SLC22A24: variants seen among roughly 807,000 people sequenced by gnomAD.
The protein encoded by SLC22A24 is solute carrier family 22 member 24.
SLC22A24 carries 53 observed loss-of-function variants against 49.8 expected under a neutral mutation model. That is an observed-to-expected ratio of 1.06 (90% CI 0.85 to 1.34). The LOEUF is 1.34. Among genes scored for constraint, SLC22A24 ranks in the 40% most tolerant of loss-of-function variants. The probability of loss-of-function intolerance (pLI) is 0.00; values close to 1 mark genes in which losing one functional copy is unlikely to be tolerated. For missense variants in SLC22A24, 786 were observed against 675.9 expected, an observed-to-expected ratio of 1.16 and a Z score of -1.81; for synonymous variants, 302 against 256.4, an observed-to-expected ratio of 1.18 and a Z score of -1.70.
At chr11:63,136,504 C>G (rs1031701301) in intron 1 of SLC22A24, among the ~76,000 whole-genome samples, 12 of 152,216 alleles carry the variant, frequency 7.9e-5, no homozygotes, top group African/African-American at 2.7e-4. Context: ...GCCTTATCCA[C>G]CATATTCACC....
intron 2 of SLC22A24, among the ~76,000 whole-genome samples, chr11:63,124,549 T>C (rs2087274846): frequency 6.6e-6 from 1 of 152,210 alleles, no homozygotes; most frequent in Admixed American, 6.5e-5. Context: ...CTTTACTATC[T>C]TCCAAAATAT....
intron 6 of SLC22A24, among the ~76,000 whole-genome samples, chr11:63,087,987 G>T (rs975027124): frequency 6.6e-6 from 1 of 152,168 alleles, no homozygotes; most frequent in African/African-American, 2.4e-5. Flanking sequence ...CGCAGCTTCA[G>T]CAAATTTAGT....
At chr11:63,124,846 T>G (rs1020684437) in intron 2 of SLC22A24, among the ~76,000 whole-genome samples, 1 of 151,428 alleles carries the variant, frequency 6.6e-6, no homozygotes, top group Non-Finnish European at 1.5e-5. Context: ...AGTAAACTAT[T>G]GCAAGGACAA....
At chr11:63,088,907 C>T (rs1171460660) in intron 6 of SLC22A24, among the ~76,000 whole-genome samples, 1 of 151,946 alleles carries the variant, frequency 6.6e-6, no homozygotes, top group African/African-American at 2.4e-5. Flanking sequence ...AACAAAGCCT[C>T]CAAGAAACAT....
chr11:63,105,203 T>G (rs28840389), intron 4 of SLC22A24, among the ~76,000 whole-genome samples: 4,488 of 152,348 alleles, frequency 0.029, 196 homozygotes, highest in African/African-American at 0.1. Context: ...CTCTACTGGA[T>G]GCTTTTGCAG....
chr11:63,136,485 C>T (rs539190575), intron 1 of SLC22A24, among the ~76,000 whole-genome samples: 5 of 152,172 alleles, frequency 3.3e-5, no homozygotes, highest in Non-Finnish European at 5.9e-5. Flanking sequence ...AATTCGGCTA[C>T]GAAGTTGTGC....
intron 5 of SLC22A24, among the ~76,000 whole-genome samples, chr11:63,097,967 C>T (rs2134646615): frequency 6.6e-6 from 1 of 152,136 alleles, no homozygotes. Flanking sequence ...ATACCTAATG[C>T]ATGTGAAGCT....
At chr11:63,115,019 C>G (rs1045032173) in intron 4 of SLC22A24, among the ~76,000 whole-genome samples, 2 of 152,226 alleles carry the variant, frequency 1.3e-5, no homozygotes, top group South Asian at 2.1e-4. Context: ...ACATAGGGTT[C>G]AGGGACCCAC....
intron 2 of SLC22A24, among the ~76,000 whole-genome samples, chr11:63,134,059 A>C (rs12364908): frequency 0.12 from 18,100 of 152,196 alleles, 1,211 homozygotes; most frequent in Middle Eastern, 0.16. Flanking sequence ...ATGACATTTT[A>C]AAATTATTTC....
At chr11:63,127,850 A>G (rs2087303160) in intron 2 of SLC22A24, among the ~76,000 whole-genome samples, 1 of 151,434 alleles carries the variant, frequency 6.6e-6, no homozygotes, top group Non-Finnish European at 1.5e-5. Flanking sequence ...AGTTCTTTTT[A>G]GATTCTGGAT....
In SLC22A24 at chr11:63,141,006, A is replaced by G. The variant is rs565171296; in HGVS notation, c.402+2372T>C. On this transcript the variant is annotated intron_variant, in intron 1 of 9. Coordinates refer to ENST00000612278, the MANE Select transcript of SLC22A24 (RefSeq NM_001136506.2). ...AAAAGAAATTATTTAGCTTTTTACA[A>G]TAGGTTAGAACACTAATCATACTGA... Among the ~76,000 whole-genome samples the G allele has an allele frequency of 1.5e-3, 223 of 152,346 alleles. 1 individual carries two copies. Among genetic ancestry groups the G allele is most frequent in the African/African-American group, 5.1e-3 (212 of 41,586 alleles).
At chr11:63,132,108 A>T (rs2087340409) in intron 2 of SLC22A24, among the ~76,000 whole-genome samples, 1 of 152,084 alleles carries the variant, frequency 6.6e-6, no homozygotes, top group Non-Finnish European at 1.5e-5. Context: ...CAAAGTTCTC[A>T]TGCTGTGGTT....
At chr11:63,087,647 C>T (rs1360699385) in intron 6 of SLC22A24, among the ~76,000 whole-genome samples, 1 of 152,224 alleles carries the variant, frequency 6.6e-6, no homozygotes, top group Non-Finnish European at 1.5e-5. Flanking sequence ...GTCCCACTCC[C>T]ATGGAGCCCA....
At chr11:63,092,175 C>T (rs2087024274) in intron 6 of SLC22A24, among the ~76,000 whole-genome samples, 1 of 151,768 alleles carries the variant, frequency 6.6e-6, no homozygotes, top group Non-Finnish European at 1.5e-5. Context: ...GAATAAAATG[C>T]CTAGGAATAC....
At chr11:63,112,069 C>T (rs1177911997) in intron 4 of SLC22A24, among the ~76,000 whole-genome samples, 4 of 152,098 alleles carry the variant, frequency 2.6e-5, no homozygotes, top group Non-Finnish European at 5.9e-5. Context: ...TCGTTGGTTT[C>T]AAAGAACATC....
chr11:63,120,849 T>G (rs998429119), intron 2 of SLC22A24, among the ~76,000 whole-genome samples: 4 of 152,066 alleles, frequency 2.6e-5, no homozygotes, highest in African/African-American at 9.7e-5. Context: ...ATGAGGCAAC[T>G]TAGAATAGAA....
intron 1 of SLC22A24, among the ~76,000 whole-genome samples, chr11:63,136,024 GA>G (rs1262362075): frequency 6.6e-6 from 1 of 152,194 alleles, no homozygotes; most frequent in Non-Finnish European, 1.5e-5. Context: ...GGACAAATTG[GA>G]AAGGTGAAAA....
At chr11:63,114,997 C>A (rs1193512413) in intron 4 of SLC22A24, among the ~76,000 whole-genome samples, 1 of 152,184 alleles carries the variant, frequency 6.6e-6, no homozygotes, top group Non-Finnish European at 1.5e-5. Flanking sequence ...GGAGGTGTCT[C>A]CCAGTTAGGC....
At chr11:63,083,727 G>C (rs966593018) in intron 6 of SLC22A24, among the ~76,000 whole-genome samples, 1 of 152,148 alleles carries the variant, frequency 6.6e-6, no homozygotes, top group African/African-American at 2.4e-5. Flanking sequence ...GAAGAAAAGA[G>C]ATAGCAAACA....
Sources: gnomAD v4.1 joint callset for allele counts (sites outside exome capture counted in the v4.1 genomes callset) on GRCh38, gnomAD v4.1.1 for gene constraint, MANE v1.5 for transcripts, NCBI Gene and HGNC (gene_info 2026-07-23, HGNC 2026-07-21) for gene names.